CLASP2: variants seen among roughly 807,000 people sequenced by gnomAD.
The protein encoded by CLASP2 is CLIP-associating protein 2.
Under a neutral mutation model 194.4 loss-of-function variants are expected in CLASP2, and 47 were observed. That is an observed-to-expected ratio of 0.24 (90% CI 0.19 to 0.31). The LOEUF (loss-of-function observed/expected upper bound fraction) is 0.31, where lower values mean the gene tolerates loss of function less well. Ranked by LOEUF, CLASP2 falls within the 10% of genes least tolerant of loss-of-function variation. CLASP2 has a pLI of 1.00. For synonymous variants in CLASP2, 619 were observed against 633.5 expected (o/e 0.98, Z 0.34); for missense variants, 1,445 against 1,823.6 (o/e 0.79, Z 3.78).
chr3:33,689,822 G>C lies in CLASP2; in HGVS notation c.378+7C>G, dbSNP rs1465353471. 6.5e-7 allele frequency: 1 copy of C among 1,546,594 alleles called. No homozygotes were observed. The highest frequency in any genetic ancestry group is 8.7e-7 in the Non-Finnish European group (1 of 1,149,136). On this transcript the variant is annotated splice_region_variant and intron_variant, in intron 3 of 38. Coordinates refer to ENST00000682230, the MANE Select transcript of CLASP2 (RefSeq NM_001365631.1). The stretch of plus-strand genomic sequence containing the variant: ...AGCAAAATCTGAATTTTAAAATGTA[G>C]GCTTACCATAGGTGGTGCTACTTGA...
Position 33,498,694 on chromosome 3 carries a change from G to C in CLASP2, c.4458C>G (p.Ile1486Met). Residue 1486 changes from isoleucine to methionine, a missense_variant, in exon 39 of 39, where the codon ATC becomes ATG. This residue lies in a region of CLASP2 where 732 missense variants were observed against 987.9 expected (regional missense o/e 0.74). Coordinates refer to ENST00000682230, the MANE Select transcript of CLASP2 (RefSeq NM_001365631.1). ...GSKMKLLNLY[I>M]KRAQTGSGGA... ...CTCCAGAACCTGTTTGTGCACGTTTGATGTAAAGATTCAGTAGCTTCATCT... is the reference window on the plus strand; with the variant it reads ...CTCCAGAACCTGTTTGTGCACGTTTCATGTAAAGATTCAGTAGCTTCATCT... The C allele has an allele frequency of 6.2e-7, 1 of 1,612,880 alleles. No homozygotes were observed. Among genetic ancestry groups the C allele is most frequent in the Non-Finnish European group, 8.5e-7 (1 of 1,179,142 alleles).
At chr3:33,620,122 T>G (rs939054995) in intron 11 of CLASP2, among the ~76,000 whole-genome samples, 4 of 152,242 alleles carry the variant, frequency 2.6e-5, no homozygotes, top group African/African-American at 7.2e-5. Context: ...AATCTTAAAT[T>G]CAGCATATTT....
chr3:33,592,271 C>G, intron 21 of CLASP2, 124 bp downstream of exon 21: 1 of 757,794 alleles, frequency 1.3e-6, no homozygotes, highest in Non-Finnish European at 2.3e-6. Context: ...CAGTATGTGG[C>G]TTGTCTTTTT....
intron 1 of CLASP2, among the ~76,000 whole-genome samples, chr3:33,702,658 A>C (rs749110684): frequency 2.0e-5 from 3 of 152,224 alleles, no homozygotes; most frequent in Non-Finnish European, 4.4e-5. Context: ...GAAAGTGAAA[A>C]GACAACCAAC....
At chr3:33,579,036 G>A (rs2065473730) in intron 23 of CLASP2, among the ~76,000 whole-genome samples, 3 of 152,098 alleles carry the variant, frequency 2.0e-5, no homozygotes, top group Admixed American at 2.0e-4. Flanking sequence ...GCAGAGAATG[G>A]GAATAGCAAG....
rs1382903949 is a variant in CLASP2, at chr3:33,584,860, C to G, written c.2129G>C (p.Ser710Thr). The G allele has an allele frequency of 1.2e-6, 2 of 1,613,902 alleles. No individual in the cohort carries two copies. Among genetic ancestry groups the G allele is most frequent in the East Asian group, 4.5e-5 (2 of 44,866 alleles). The change falls in exon 22 of 39, where the codon AGC becomes ACC. Residue 710 changes from serine (S) to threonine (T), a missense_variant. Physicochemically the swap from Ser to Thr is moderately conservative, Grantham distance 58. Transcript: ENST00000682230. ...VLTTTALSTV[S>T]SGVQRVLVNS... Reference sequence around the variant, plus strand: ...GACCAGGACTCTTTGAACACCAGAGCTCACAGTGGACAGGGCTGTTGTGGT... The same window carrying G: ...GACCAGGACTCTTTGAACACCAGAGGTCACAGTGGACAGGGCTGTTGTGGT...
At chr3:33,679,596 C>T (rs1455112932) in intron 6 of CLASP2, among the ~76,000 whole-genome samples, 1 of 152,066 alleles carries the variant, frequency 6.6e-6, no homozygotes, top group Non-Finnish European at 1.5e-5. Flanking sequence ...AACATCTCAC[C>T]AGAGAAGATA....
intron 7 of CLASP2, among the ~76,000 whole-genome samples, chr3:33,653,879 C>T (rs909162619): frequency 1.3e-5 from 2 of 151,992 alleles, no homozygotes; most frequent in African/African-American, 2.4e-5. Flanking sequence ...TACTCCCTTG[C>T]TTAAAATCCT....
chr3:33,672,752 C>G (rs1242731074), intron 6 of CLASP2, among the ~76,000 whole-genome samples: 2 of 152,136 alleles, frequency 1.3e-5, no homozygotes, highest in East Asian at 1.9e-4. Flanking sequence ...CTTAAAGGAG[C>G]TGATGGAGCT....
chr3:33,516,010 C>A lies in CLASP2; in HGVS notation c.4110+13G>T, dbSNP rs2154099770. On this transcript the variant is annotated intron_variant, in intron 36 of 38. Coordinates refer to ENST00000682230, the MANE Select transcript of CLASP2 (RefSeq NM_001365631.1). Reference sequence around the variant, plus strand: ...AAATAATGGAATAATACTTTACCGGCCAGGTAACTTACCTCCTTATGAGGA... The same window carrying A: ...AAATAATGGAATAATACTTTACCGGACAGGTAACTTACCTCCTTATGAGGA... 6.2e-7 allele frequency: 1 copy of A among 1,600,240 alleles called. No individual in the cohort carries two copies. The highest frequency in any genetic ancestry group is 8.5e-7 in the Non-Finnish European group (1 of 1,174,582).
chr3:33,581,956 A>G (rs1196744536), intron 22 of CLASP2, 28 bp from the exon 23 acceptor site: 6 of 1,483,854 alleles, frequency 4.0e-6, no homozygotes, highest in Non-Finnish European at 4.7e-6. Flanking sequence ...CAGCACACAC[A>G]GTAAGGGAGA....
At chr3:33,586,808 A>C (rs1462231402) in intron 21 of CLASP2, among the ~76,000 whole-genome samples, 5 of 152,144 alleles carry the variant, frequency 3.3e-5, no homozygotes, top group Non-Finnish European at 5.9e-5. Context: ...AGTCTTACCC[A>C]ATCAGGCTTC....
intron 7 of CLASP2, among the ~76,000 whole-genome samples, chr3:33,662,935 A>G (rs1216233462): frequency 1.3e-5 from 2 of 152,054 alleles, no homozygotes; most frequent in Non-Finnish European, 2.9e-5. Flanking sequence ...CTGAATTCCA[A>G]CTTGGTCTCA....
chr3:33,659,452 G>A (rs2084907709), intron 7 of CLASP2: 1 of 973,994 alleles, frequency 1.0e-6, no homozygotes, highest in Admixed American at 6.1e-5. Context: ...CACATGATCT[G>A]ATGGATTAAC....
At chr3:33,675,263 G>A (rs886878185) in intron 6 of CLASP2, among the ~76,000 whole-genome samples, 25 of 151,882 alleles carry the variant, frequency 1.6e-4, no homozygotes, top group African/African-American at 6.0e-4. Flanking sequence ...TTCATCCCTG[G>A]GATGCAAGGC....
intron 24 of CLASP2, chr3:33,574,431 G>A (rs142909360): frequency 1.7e-5 from 22 of 1,318,948 alleles, no homozygotes; most frequent in Middle Eastern, 1.8e-4. Flanking sequence ...AGAAAAAAAA[G>A]TTATGGTATC....
intron 26 of CLASP2, among the ~76,000 whole-genome samples, chr3:33,568,832 A>G (rs892769070): frequency 1.3e-5 from 2 of 152,132 alleles, no homozygotes; most frequent in Non-Finnish European, 2.9e-5. Flanking sequence ...TGAAGATGGA[A>G]CTGTTGGTCT....
At chr3:33,689,383 A>T (rs188856314) in intron 3 of CLASP2, among the ~76,000 whole-genome samples, 4,902 of 146,288 alleles carry the variant, frequency 0.034, 190 homozygotes, top group East Asian at 0.19. Flanking sequence ...CACAATATTT[A>T]AAAAAAAAAA....
chr3:33,533,509 T>C (rs938132892), intron 34 of CLASP2, among the ~76,000 whole-genome samples: 2 of 152,242 alleles, frequency 1.3e-5, no homozygotes. Flanking sequence ...TAATATTTAA[T>C]TCCTCAATAT....
Sources: allele counts gnomAD v4.1 joint callset (sites outside exome capture counted in the v4.1 genomes callset), GRCh38; gene constraint gnomAD v4.1.1; regional missense constraint gnomAD v4.1.1; transcripts MANE v1.5; gene names NCBI Gene and HGNC (gene_info 2026-07-23, HGNC 2026-07-21).